DPP6: variants seen among roughly 807,000 people sequenced by gnomAD.
DPP6 encodes A-type potassium channel modulatory protein DPP6.
A neutral mutation model predicts 122.6 loss-of-function variants in DPP6; 69 were observed. That is an observed-to-expected ratio of 0.56 (90% CI 0.46 to 0.69). DPP6 has a LOEUF of 0.69. Among genes scored for constraint, DPP6 ranks in the 30% least tolerant of loss-of-function variants. The pLI is 0.00. For synonymous variants in DPP6, 418 were observed against 433.1 expected (o/e 0.97, Z 0.43); for missense variants, 928 against 1,116.9 (o/e 0.83, Z 2.41).
chr7:154,528,482 C>T (rs1159878206), intron 3 of DPP6, among the ~76,000 whole-genome samples: 1 of 152,272 alleles, frequency 6.6e-6, no homozygotes, highest in South Asian at 2.1e-4. Flanking sequence ...ACTAGTGGTT[C>T]TCGTCATTGT....
At chr7:154,018,535 A>G (rs1047098692) in intron 1 of DPP6, among the ~76,000 whole-genome samples, 5 of 152,232 alleles carry the variant, frequency 3.3e-5, no homozygotes, top group African/African-American at 1.2e-4. Flanking sequence ...AAAGGAAGGA[A>G]CAGTTCACAA....
chr7:154,629,748 A>T (rs983584744), intron 5 of DPP6, among the ~76,000 whole-genome samples: 5 of 152,128 alleles, frequency 3.3e-5, no homozygotes, highest in African/African-American at 1.2e-4. Context: ...CTCATATGCT[A>T]TCCATGCTGG....
intron 1 of DPP6, among the ~76,000 whole-genome samples, chr7:154,273,217 G>A (rs955878581): frequency 2.0e-5 from 3 of 152,162 alleles, no homozygotes; most frequent in Admixed American, 6.5e-5. Context: ...CTTTGTCTCA[G>A]CATCTGTCCT....
rs571526172 is a variant in DPP6, at chr7:154,313,985, A to G, written c.244-132229A>G. 3.3e-4 allele frequency among the ~76,000 whole-genome samples: 50 copies of G among 152,080 alleles called. No homozygotes were observed. In the South Asian group the frequency reaches 9.1e-3, roughly 28 times the overall value. ...TTTGGCAGGTAAGAACTATTTTGCC[A>G]TTAAAAACCATGAAGCTGTAACAAC... On this transcript the variant is annotated intron_variant, in intron 1 of 25. Coordinates refer to ENST00000377770, the MANE Select transcript of DPP6 (RefSeq NM_130797.4).
intron 1 of DPP6, among the ~76,000 whole-genome samples, chr7:154,396,179 G>A: frequency 6.6e-6 from 1 of 152,092 alleles, no homozygotes; most frequent in Non-Finnish European, 1.5e-5. Context: ...ATGACACTGT[G>A]CAAAACAATT....
chr7:154,427,184 G>T (rs1430438266), intron 1 of DPP6, among the ~76,000 whole-genome samples: 2 of 152,166 alleles, frequency 1.3e-5, no homozygotes, highest in African/African-American at 4.8e-5. Flanking sequence ...TGTCGAGAGA[G>T]GCACAAGTAT....
chr7:154,306,426 C>G (rs1806355586), intron 1 of DPP6, among the ~76,000 whole-genome samples: 1 of 152,222 alleles, frequency 6.6e-6, no homozygotes, highest in Non-Finnish European at 1.5e-5. Context: ...CCAATAGATT[C>G]ACAAAGCAGT....
chr7:154,873,458 C>T (rs952716964), intron 19 of DPP6, among the ~76,000 whole-genome samples: 26 of 146,174 alleles, frequency 1.8e-4, no homozygotes, highest in African/African-American at 5.8e-4. Flanking sequence ...CTGGGAGAGC[C>T]GGCTGAAGCG....
chr7:154,842,836 C>T (rs941232894), intron 16 of DPP6, among the ~76,000 whole-genome samples: 5 of 152,200 alleles, frequency 3.3e-5, no homozygotes, highest in African/African-American at 9.7e-5. Flanking sequence ...CAGTTTTCTG[C>T]TATCAGCAGG....
At chr7:154,749,231 G>A (rs12669797) in intron 8 of DPP6, among the ~76,000 whole-genome samples, 19,348 of 33,282 alleles carry the variant, frequency 0.58, 6,540 homozygotes, top group Non-Finnish European at 0.62. Context: ...AGGACAGGAG[G>A]GAGAGGGATG....
chr7:153,816,039 T>G, the DPP6 span, among the ~76,000 whole-genome samples: 4 of 122,896 alleles, frequency 3.3e-5, no homozygotes, highest in Admixed American at 1.6e-4. Flanking sequence ...AGTAGCTAAA[T>G]AGAAAAATAG....
At chr7:154,565,587 G>A (rs771477506) in intron 4 of DPP6, among the ~76,000 whole-genome samples, 24 of 151,900 alleles carry the variant, frequency 1.6e-4, no homozygotes, top group Non-Finnish European at 2.8e-4. Flanking sequence ...GTGCAATGGC[G>A]CGATCTCGGT....
chr7:154,433,141 T>TTTTTTTTTTG (rs1818572905), intron 1 of DPP6, among the ~76,000 whole-genome samples: 1 of 104,128 alleles, frequency 9.6e-6, no homozygotes, highest in African/African-American at 5.4e-5. Context: ...TGCAAGTTTT[T>TTTTTTTTTTG]TTTTTTTTTT....
At chr7:154,559,144 A>G (rs1830239864) in intron 4 of DPP6, among the ~76,000 whole-genome samples, 1 of 152,000 alleles carries the variant, frequency 6.6e-6, no homozygotes, top group African/African-American at 2.4e-5. Context: ...CCAAATGCTC[A>G]AGGCTATAAG....
chr7:153,787,837 CTTTTT>C, the DPP6 span, among the ~76,000 whole-genome samples: 1 of 139,380 alleles, frequency 7.2e-6, no homozygotes, highest in African/African-American at 2.6e-5. Context: ...TTTACAATTT[CTTTTT>C]TTTTTTTTTC....
At chr7:154,372,505 C>T (rs902745683) in intron 1 of DPP6, among the ~76,000 whole-genome samples, 6 of 152,196 alleles carry the variant, frequency 3.9e-5, no homozygotes, top group Admixed American at 2.6e-4. Context: ...AGACTGGGGT[C>T]GCCCTGGATG....
At chr7:154,475,366 G>C in intron 3 of DPP6, 3 of 364,608 alleles carry the variant, frequency 8.2e-6, no homozygotes, top group South Asian at 6.4e-5. Context: ...TTAGCAACAG[G>C]AACAGTGCAG....
At chr7:153,984,006 G>T (rs1375612607) in intron 1 of DPP6, among the ~76,000 whole-genome samples, 3 of 149,364 alleles carry the variant, frequency 2.0e-5, no homozygotes, top group Non-Finnish European at 1.5e-5. Context: ...TTTTGGCCAG[G>T]AATCCTCCTT....
At chr7:154,627,007 T>C (rs13309505) in intron 5 of DPP6, among the ~76,000 whole-genome samples, 7 of 79,190 alleles carry the variant, frequency 8.8e-5, no homozygotes, top group African/African-American at 2.6e-4. Context: ...TTTCTTTTTT[T>C]TTTTTTTTTT....
Sources: allele counts gnomAD v4.1 joint callset (sites outside exome capture counted in the v4.1 genomes callset), GRCh38; gene constraint gnomAD v4.1.1; transcripts MANE v1.5; gene names NCBI Gene and HGNC (gene_info 2026-07-23, HGNC 2026-07-21).